The following COL25A1 variants were observed in gnomAD, a reference collection of about 807,000 sequenced individuals.
COL25A1 encodes collagen type XXV alpha 1 chain, also known as collagen alpha-1(XXV) chain.
Under a neutral mutation model 128.4 loss-of-function variants are expected in COL25A1, and 103 were observed. The ratio of observed to expected loss-of-function variants is 0.80; its 90% CI spans 0.68 to 0.94. COL25A1 has a LOEUF of 0.94. Ranked by LOEUF, COL25A1 falls within the 40% of genes least tolerant of loss-of-function variation. The pLI is 0.00. For missense variants in COL25A1, 745 were observed against 840.0 expected, an observed-to-expected ratio of 0.89 and a Z score of 1.40; for synonymous variants, 279 against 277.2, an observed-to-expected ratio of 1.01 and a Z score of -0.06.
intron 16 of COL25A1, among the ~76,000 whole-genome samples, chr4:108,894,658 C>T (rs1018522404): frequency 6.6e-6 from 1 of 152,080 alleles, no homozygotes; most frequent in Non-Finnish European, 1.5e-5. Context: ...GACCACATGG[C>T]CCACAAAATC....
intron 3 of COL25A1, among the ~76,000 whole-genome samples, chr4:109,202,297 C>T (rs888422554): frequency 5.3e-5 from 8 of 151,898 alleles, no homozygotes; most frequent in East Asian, 1.9e-4. Context: ...AGCCTAGAAA[C>T]GGGCCCACAC....
chr4:109,090,371 T>G (rs1764788303), intron 3 of COL25A1, among the ~76,000 whole-genome samples: 2 of 152,180 alleles, frequency 1.3e-5, no homozygotes, highest in South Asian at 4.1e-4. Flanking sequence ...ACATAAAAAT[T>G]TTTTCACTTT....
Position 108,867,556 on chromosome 4 carries a change from C to G in COL25A1, c.1083+1532G>C, listed in dbSNP as rs192312340. 1.2e-4 allele frequency among the ~76,000 whole-genome samples: 19 copies of G among 152,216 alleles called. No individual in the cohort carries two copies. The East Asian group carries it at 2.9e-3, about 23-fold the overall frequency. On this transcript the variant is annotated intron_variant, in intron 20 of 37. Coordinates refer to ENST00000399132, the MANE Select transcript of COL25A1 (RefSeq NM_198721.4). ...ATAATCTGATGGAGTTTCAGTCCCC[C>G]CTAGGACACACATAGTTTCCATTTA... is the stretch of plus-strand genomic sequence containing the variant.
Position 109,302,034 on chromosome 4 carries a change from C to T in COL25A1, c.-15G>A. ...TTCAGCAGCATCGTGGCGGGGTCGG[C>T]CGTCTCGGCTTCGCTTCCCACCCTC... On this transcript the variant is annotated 5_prime_UTR_variant, in exon 2 of 38. Coordinates refer to ENST00000399132, the MANE Select transcript of COL25A1 (RefSeq NM_198721.4). 1 of 1,567,914 alleles carries T rather than the reference C, an allele frequency of 6.4e-7. No homozygotes were observed. Among genetic ancestry groups the T allele is most frequent in the Non-Finnish European group, 8.6e-7 (1 of 1,162,068 alleles).
intron 3 of COL25A1, among the ~76,000 whole-genome samples, chr4:109,281,100 T>C (rs771748758): frequency 2.0e-5 from 3 of 152,144 alleles, no homozygotes; most frequent in Non-Finnish European, 4.4e-5. Flanking sequence ...ATTAATTAAT[T>C]GGGAGAGTAC....
rs75792515 is a variant in COL25A1 at position 108,928,326 on chromosome 4, C to G, written c.709-7722G>C. ...TAAGATTATAATATATAGTCATATC[C>G]TATTCAGATCTGTTTTCTACCTAGA... is the stretch of plus-strand genomic sequence containing the variant. On this transcript the variant is annotated intron_variant, in intron 11 of 37. Coordinates refer to ENST00000399132, the MANE Select transcript of COL25A1 (RefSeq NM_198721.4). 1.7e-3 allele frequency among the ~76,000 whole-genome samples: 266 copies of G among 152,150 alleles called. 2 individuals carry two copies. The highest frequency in any genetic ancestry group is 6.2e-3 in the African/African-American group (256 of 41,514).
At chr4:109,060,650 C>T (rs1190238542) in intron 3 of COL25A1, among the ~76,000 whole-genome samples, 9 of 150,150 alleles carry the variant, frequency 6.0e-5, no homozygotes, top group Admixed American at 6.0e-4. Flanking sequence ...GTACCTTCCA[C>T]ACGTTGGGTG....
At chr4:108,825,968 C>T (rs1158661842) in intron 33 of COL25A1, among the ~76,000 whole-genome samples, 1 of 152,050 alleles carries the variant, frequency 6.6e-6, no homozygotes, top group Non-Finnish European at 1.5e-5. Flanking sequence ...TGGATCCATC[C>T]AAAGTTCACG....
Position 109,022,194 on chromosome 4 carries a change from G to A in COL25A1, c.421-11819C>T, listed in dbSNP as rs766465112. The A allele has an allele frequency of 2.6e-5, 12 of 453,138 alleles. No individual in the cohort carries two copies. In the East Asian group the frequency reaches 7.7e-4, roughly 29 times the overall value. 28.1% of individuals were successfully genotyped at this position (453,138 alleles called of 1,614,324 possible). A position where few individuals can be genotyped will look rare whatever the true frequency, so the allele number is the denominator to read the frequency against. On this transcript the variant is annotated intron_variant, in intron 5 of 37. Coordinates refer to ENST00000399132, the MANE Select transcript of COL25A1 (RefSeq NM_198721.4). Reference sequence around the variant, plus strand: ...GCCGATATGTGATGTTGCCCCTGGCGGCCCAGCTGTAAAATTCCTCTCTTT... The same window carrying A: ...GCCGATATGTGATGTTGCCCCTGGCAGCCCAGCTGTAAAATTCCTCTCTTT...
At chr4:109,230,876 C>G (rs1228386000) in intron 3 of COL25A1, among the ~76,000 whole-genome samples, 1 of 152,184 alleles carries the variant, frequency 6.6e-6, no homozygotes, top group African/African-American at 2.4e-5. Context: ...CGCAGCGGCT[C>G]ACGCCTGTAA....
intron 3 of COL25A1, among the ~76,000 whole-genome samples, chr4:109,120,172 A>T (rs990398766): frequency 6.6e-6 from 1 of 152,136 alleles, no homozygotes; most frequent in East Asian, 1.9e-4. Flanking sequence ...AGCAAACATC[A>T]TACTTAAGAG....
At chr4:108,990,512 T>G (rs1446091963) in intron 6 of COL25A1, among the ~76,000 whole-genome samples, 1 of 151,904 alleles carries the variant, frequency 6.6e-6, no homozygotes, top group Non-Finnish European at 1.5e-5. Context: ...CTAACAGTGA[T>G]AGTTGCTCCA....
intron 3 of COL25A1, among the ~76,000 whole-genome samples, chr4:109,255,377 G>A (rs1781004888): frequency 6.6e-6 from 1 of 152,162 alleles, no homozygotes; most frequent in African/African-American, 2.4e-5. Context: ...CCCCACTGAA[G>A]TTGAAAATTT....
chr4:109,230,404 A>G (rs1779088098), intron 3 of COL25A1, among the ~76,000 whole-genome samples: 1 of 152,202 alleles, frequency 6.6e-6, no homozygotes, highest in Admixed American at 6.5e-5. Flanking sequence ...ATATTATTGT[A>G]CCATAAACAG....
chr4:109,200,943 CTGAG>C (rs996757610), intron 3 of COL25A1, among the ~76,000 whole-genome samples: 5 of 152,028 alleles, frequency 3.3e-5, no homozygotes, highest in Non-Finnish European at 5.9e-5. Flanking sequence ...AATTTGTTTC[CTGAG>C]TATTAGGTTA....
chr4:109,006,368 C>T (rs956586860), intron 6 of COL25A1, among the ~76,000 whole-genome samples: 2 of 135,268 alleles, frequency 1.5e-5, no homozygotes. Flanking sequence ...TGCACTGCCA[C>T]ACCCAGCTAA....
intron 3 of COL25A1, among the ~76,000 whole-genome samples, chr4:109,141,920 A>G (rs1044513795): frequency 2.6e-5 from 4 of 151,744 alleles, no homozygotes; most frequent in Non-Finnish European, 5.9e-5. Flanking sequence ...CCATGTCTCT[A>G]TCTACTTCAG....
At chr4:109,051,540 T>C (rs1203328187) in intron 3 of COL25A1, among the ~76,000 whole-genome samples, 2 of 151,790 alleles carry the variant, frequency 1.3e-5, no homozygotes, top group African/African-American at 2.4e-5. Flanking sequence ...AGAAGAATCA[T>C]ATAAATGAGT....
intron 10 of COL25A1, 134 bp from the exon 11 acceptor site, chr4:108,937,977 A>G: frequency 1.6e-6 from 1 of 629,952 alleles, no homozygotes; most frequent in Non-Finnish European, 2.7e-6. Flanking sequence ...GGAATGTAGC[A>G]CATTAAAAGA....
Sources: allele counts gnomAD v4.1 joint callset (sites outside exome capture counted in the v4.1 genomes callset), GRCh38; gene constraint gnomAD v4.1.1; transcripts MANE v1.5; gene names NCBI Gene and HGNC (gene_info 2026-07-23, HGNC 2026-07-21).